GADL1: variants seen among roughly 807,000 people sequenced by gnomAD.
GADL1 encodes GAD like acidic amino acid decarboxylase 1.
GADL1 carries 71 observed loss-of-function variants against 69.5 expected under a neutral mutation model. The ratio of observed to expected loss-of-function variants is 1.02; its 90% confidence interval spans 0.84 to 1.25. The LOEUF (loss-of-function observed/expected upper bound fraction) is 1.25, where lower values mean the gene tolerates loss of function less well. Among genes scored for constraint, GADL1 ranks in the 50% most tolerant of loss-of-function variants. GADL1 has a pLI of 0.00. For missense variants in GADL1, 737 were observed against 631.8 expected, an observed-to-expected ratio of 1.17 and a Z score of -1.79; for synonymous variants, 254 against 214.4, an observed-to-expected ratio of 1.18 and a Z score of -1.62.
At chr3:30,729,839 C>A (rs1224196519) in intron 14 of GADL1, among the ~76,000 whole-genome samples, 1 of 152,154 alleles carries the variant, frequency 6.6e-6, no homozygotes, top group African/African-American at 2.4e-5. Flanking sequence ...AAAACATGGA[C>A]TACACAGTGC....
At chr3:30,891,348 G>A (rs1483477415) in intron 1 of GADL1, among the ~76,000 whole-genome samples, 4 of 152,076 alleles carry the variant, frequency 2.6e-5, no homozygotes, top group Admixed American at 1.3e-4. Flanking sequence ...CCATGAGTGC[G>A]AACCTCCCAA....
intron 12 of GADL1, among the ~76,000 whole-genome samples, chr3:30,792,383 G>T (rs1696942650): frequency 1.3e-5 from 2 of 152,170 alleles, no homozygotes; most frequent in Middle Eastern, 3.4e-3. Context: ...GACCAGCCTG[G>T]GCAACATGGT....
At chr3:30,839,391 T>A (rs534042881) in intron 8 of GADL1, among the ~76,000 whole-genome samples, 2 of 151,844 alleles carry the variant, frequency 1.3e-5, no homozygotes, top group Non-Finnish European at 1.5e-5. Flanking sequence ...TTTTGTTCTA[T>A]CAATTGTCCA....
At chr3:30,815,580 G>C (rs1234603958) in intron 11 of GADL1, among the ~76,000 whole-genome samples, 2 of 152,144 alleles carry the variant, frequency 1.3e-5, no homozygotes, top group African/African-American at 4.8e-5. Context: ...AGTGTAATGA[G>C]AAAAACCTAT....
At chr3:30,885,076 A>C (rs1698685592) in intron 1 of GADL1, among the ~76,000 whole-genome samples, 1 of 152,086 alleles carries the variant, frequency 6.6e-6, no homozygotes, top group African/African-American at 2.4e-5. Flanking sequence ...TAAATTGATC[A>C]AGATGATCAT....
chr3:30,757,322 TAA>T (rs763805436), intron 14 of GADL1, among the ~76,000 whole-genome samples: 7 of 151,966 alleles, frequency 4.6e-5, no homozygotes, highest in Non-Finnish European at 1.0e-4. Flanking sequence ...AATCAGCTGA[TAA>T]AGGCAGGAAG....
At chr3:30,797,668 T>TTG (rs909783643) in intron 12 of GADL1, 2 of 111,174 alleles carry the variant, frequency 1.8e-5, no homozygotes, top group African/African-American at 2.8e-5. Flanking sequence ...TGTTTTGTTT[T>TTG]TGTTTTTTTT....
intron 14 of GADL1, among the ~76,000 whole-genome samples, chr3:30,759,610 A>G (rs1696072482): frequency 6.8e-6 from 1 of 147,240 alleles, no homozygotes; most frequent in African/African-American, 2.5e-5. Context: ...TTTATTCCAC[A>G]TTTTGTACAT....
At chr3:30,870,881 C>T (rs138915035) in intron 1 of GADL1, among the ~76,000 whole-genome samples, 1,679 of 151,756 alleles carry the variant, frequency 0.011, 17 homozygotes, top group Non-Finnish European at 0.019. Flanking sequence ...CTATACTGAT[C>T]TGGGGAATGC....
At chr3:30,841,422 T>G (rs1188043909) in intron 8 of GADL1, among the ~76,000 whole-genome samples, 1 of 152,102 alleles carries the variant, frequency 6.6e-6, no homozygotes, top group Non-Finnish European at 1.5e-5. Flanking sequence ...AAAATGATAA[T>G]GACTGTGGTG....
intron 11 of GADL1, among the ~76,000 whole-genome samples, chr3:30,828,498 G>GGTCT (rs1697724624): frequency 6.6e-6 from 1 of 150,782 alleles, no homozygotes; most frequent in African/African-American, 2.4e-5. Flanking sequence ...TGCGGGGGAG[G>GGTCT]GTCTATATTC....
chr3:30,780,747 G>C lies in GADL1; in HGVS notation c.1303-2479C>G, dbSNP rs188856042. On this transcript the variant is annotated intron_variant, in intron 13 of 14. Coordinates refer to ENST00000282538, the MANE Select transcript of GADL1 (RefSeq NM_207359.3). ...AAAGGTCTATCACTAAGCACTTTTA[G>C]AATGGAATGGCTTCAGTGCTACAAC... Among the ~76,000 whole-genome samples, 177 of 152,278 alleles carry C rather than the reference G, an allele frequency of 1.2e-3. 4 individuals carry two copies. Among genetic ancestry groups the C allele is most frequent in the Non-Finnish European group, 7.3e-5 (5 of 68,030 alleles).
At chr3:30,830,917 A>G (rs548558878) in intron 11 of GADL1, among the ~76,000 whole-genome samples, 1 of 151,894 alleles carries the variant, frequency 6.6e-6, no homozygotes, top group Admixed American at 6.6e-5. Flanking sequence ...AGTAATCAGG[A>G]TGATTACATG....
intron 11 of GADL1, among the ~76,000 whole-genome samples, chr3:30,818,091 CCTTA>C (rs982684118): frequency 6.6e-6 from 1 of 152,076 alleles, no homozygotes; most frequent in African/African-American, 2.4e-5. Flanking sequence ...CACAATGACC[CCTTA>C]CTTCCCCTCT....
chr3:30,811,800 GT>G (rs11326910), intron 11 of GADL1, among the ~76,000 whole-genome samples: 24,599 of 151,884 alleles, frequency 0.16, 2,070 homozygotes, highest in Middle Eastern at 0.2. Flanking sequence ...GAATCATATG[GT>G]TTTTTTTCCC....
At chr3:30,776,953 T>C (rs1575199846) in intron 14 of GADL1, among the ~76,000 whole-genome samples, 1 of 152,326 alleles carries the variant, frequency 6.6e-6, no homozygotes, top group African/African-American at 2.4e-5. Context: ...CATCTGCTTA[T>C]TGTTAAAAAC....
intron 14 of GADL1, among the ~76,000 whole-genome samples, chr3:30,772,514 C>G (rs895971290): frequency 2.0e-5 from 3 of 152,160 alleles, no homozygotes; most frequent in Non-Finnish European, 2.9e-5. Context: ...TCCTCAATAT[C>G]TGACCACTAT....
At chr3:30,871,141 C>G (rs1035068328) in intron 1 of GADL1, among the ~76,000 whole-genome samples, 14 of 150,206 alleles carry the variant, frequency 9.3e-5, no homozygotes, top group African/African-American at 3.2e-4. Context: ...AGGGAAGGAG[C>G]TTTTGAGAAA....
Position 30,864,236 on chromosome 3 carries a change from G to A in GADL1, c.38-2471C>T, listed in dbSNP as rs551642957. Among the ~76,000 whole-genome samples, 7 of 150,030 alleles carry A rather than the reference G, an allele frequency of 4.7e-5. No homozygotes were observed. In the South Asian group the frequency reaches 1.5e-3, roughly 32 times the overall value. ...AGTAGGCAGTGCTATTATTAAGCAC[G>A]CAGAAAAAGTTAAGATTTTTTTTTT... On this transcript the variant is annotated intron_variant, in intron 1 of 14. Transcript: ENST00000282538.
Sources: allele counts gnomAD v4.1 joint callset (sites outside exome capture counted in the v4.1 genomes callset), GRCh38; gene constraint gnomAD v4.1.1; transcripts MANE v1.5; gene names NCBI Gene and HGNC (gene_info 2026-07-23, HGNC 2026-07-21).